The following NEGR1 variants were observed in gnomAD, a reference collection of about 807,000 sequenced individuals.
NEGR1 encodes neuronal growth regulator 1.
Under a neutral mutation model 40.9 loss-of-function variants are expected in NEGR1, and 10 were observed. The ratio of observed to expected loss-of-function variants is 0.24; its 90% CI spans 0.15 to 0.42. The LOEUF (loss-of-function observed/expected upper bound fraction) is 0.42, where lower values mean the gene tolerates loss of function less well. NEGR1 is among the 10% of genes least tolerant of loss of function. The pLI, the probability that NEGR1 is intolerant of heterozygous loss-of-function variation, is 1.00. For synonymous variants in NEGR1, 185 were observed against 166.8 expected, an observed-to-expected ratio of 1.11 and a Z score of -0.84; for missense variants, 352 against 438.9, an observed-to-expected ratio of 0.80 and a Z score of 1.77.
intron 6 of NEGR1, among the ~76,000 whole-genome samples, chr1:71,561,101 T>C (rs930804327): frequency 1.3e-5 from 2 of 151,574 alleles, no homozygotes; most frequent in Non-Finnish European, 3.0e-5. Context: ...ACCATGATCA[T>C]GAAATCAGAT....
intron 6 of NEGR1, among the ~76,000 whole-genome samples, chr1:71,551,170 A>T (rs1444227038): frequency 6.6e-6 from 1 of 151,632 alleles, no homozygotes; most frequent in Non-Finnish European, 1.5e-5. Context: ...AGTCATCTTC[A>T]TTTCATCAAA....
At chr1:71,930,004 A>C (rs576658357) in intron 2 of NEGR1, among the ~76,000 whole-genome samples, 1 of 152,248 alleles carries the variant, frequency 6.6e-6, no homozygotes, top group East Asian at 1.9e-4. Flanking sequence ...TCTGCACTTG[A>C]ATTCCTATTC....
At chr1:71,858,242 T>C (rs989731284) in intron 2 of NEGR1, among the ~76,000 whole-genome samples, 1 of 151,828 alleles carries the variant, frequency 6.6e-6, no homozygotes, top group Admixed American at 6.6e-5. Flanking sequence ...TGAAATATGC[T>C]GTTCTCATTT....
intron 6 of NEGR1, among the ~76,000 whole-genome samples, chr1:71,441,328 C>T (rs1445859989): frequency 1.3e-5 from 2 of 152,174 alleles, no homozygotes; most frequent in Non-Finnish European, 2.9e-5. Flanking sequence ...TTCTTCCATA[C>T]CCTTCGCCAT....
At chr1:72,034,886 C>T (rs971089330) in intron 1 of NEGR1, among the ~76,000 whole-genome samples, 12 of 152,098 alleles carry the variant, frequency 7.9e-5, no homozygotes, top group Admixed American at 1.3e-4. Context: ...GATAGATATG[C>T]AAACTAGGAG....
intron 4 of NEGR1, among the ~76,000 whole-genome samples, chr1:71,673,773 C>T (rs745495076): frequency 2.7e-5 from 4 of 146,154 alleles, no homozygotes; most frequent in Non-Finnish European, 6.0e-5. Context: ...GAGCAGAAGC[C>T]CATATGCATT....
intron 2 of NEGR1, among the ~76,000 whole-genome samples, chr1:71,926,801 G>A (rs1175027894): frequency 6.6e-6 from 1 of 152,030 alleles, no homozygotes; most frequent in African/African-American, 2.4e-5. Context: ...CTAAAGTATT[G>A]TTCTAATATC....
intron 3 of NEGR1, among the ~76,000 whole-genome samples, chr1:71,746,106 C>T (rs989394320): frequency 2.6e-5 from 4 of 152,154 alleles, no homozygotes; most frequent in African/African-American, 9.7e-5. Flanking sequence ...ATCTTTGGAT[C>T]TTCATTCTGA....
At chr1:71,770,395 G>T (rs565995129) in intron 3 of NEGR1, among the ~76,000 whole-genome samples, 48 of 152,194 alleles carry the variant, frequency 3.2e-4, no homozygotes, top group African/African-American at 1.1e-3. Flanking sequence ...TCTTATTGTG[G>T]TTTAGAAGAA....
intron 4 of NEGR1, among the ~76,000 whole-genome samples, chr1:71,694,246 C>CGTGT (rs143959665): frequency 1.3e-5 from 2 of 149,200 alleles, no homozygotes; most frequent in Non-Finnish European, 1.5e-5. Context: ...TTTTTTTTCT[C>CGTGT]GTGTGTGTGT....
At chr1:72,140,634 A>G (rs550284626) in intron 1 of NEGR1, among the ~76,000 whole-genome samples, 221 of 152,178 alleles carry the variant, frequency 1.5e-3, no homozygotes, top group Non-Finnish European at 2.5e-3. Flanking sequence ...CATGCAAAGT[A>G]GTATGAGCAA....
At chr1:71,544,376 A>G (rs898336850) in intron 6 of NEGR1, among the ~76,000 whole-genome samples, 5 of 151,796 alleles carry the variant, frequency 3.3e-5, no homozygotes, top group East Asian at 2.0e-4. Context: ...TCTAGTCACA[A>G]ATGCTTTGAG....
At chr1:71,617,696 T>G (rs918205106) in intron 4 of NEGR1, among the ~76,000 whole-genome samples, 7 of 152,148 alleles carry the variant, frequency 4.6e-5, no homozygotes, top group African/African-American at 1.7e-4. Flanking sequence ...TGAACTAAAA[T>G]CATTTTCCAG....
chr1:71,655,596 A>G (rs1651850092), intron 4 of NEGR1, among the ~76,000 whole-genome samples: 1 of 152,178 alleles, frequency 6.6e-6, no homozygotes. Flanking sequence ...CAAAACCAAC[A>G]TCCTAAAGGA....
At chr1:71,696,727 T>G (rs1473447022) in intron 4 of NEGR1, among the ~76,000 whole-genome samples, 2 of 151,826 alleles carry the variant, frequency 1.3e-5, no homozygotes, top group Non-Finnish European at 2.9e-5. Flanking sequence ...TGAGAATCAG[T>G]GGGAACCTCT....
intron 5 of NEGR1, among the ~76,000 whole-genome samples, chr1:71,597,432 G>C (rs71500653): frequency 0.01 from 633 of 60,716 alleles, 29 homozygotes; most frequent in African/African-American, 0.04. Context: ...ATATATATAT[G>C]TCTCTCTCTC....
intron 6 of NEGR1, among the ~76,000 whole-genome samples, chr1:71,537,355 C>T (rs1159555150): frequency 6.6e-6 from 1 of 151,628 alleles, no homozygotes; most frequent in Non-Finnish European, 1.5e-5. Flanking sequence ...TTCATTATAT[C>T]TATAATTACT....
intron 3 of NEGR1, among the ~76,000 whole-genome samples, chr1:71,730,079 C>A (rs1359485002): frequency 1.3e-5 from 2 of 151,920 alleles, no homozygotes; most frequent in Non-Finnish European, 2.9e-5. Context: ...GTGACAGATA[C>A]AAATTCTAAT....
At chr1:71,805,098 A>C (rs1657710154) in intron 2 of NEGR1, among the ~76,000 whole-genome samples, 2 of 152,158 alleles carry the variant, frequency 1.3e-5, no homozygotes, top group African/African-American at 4.8e-5. Context: ...CAGGCTTATT[A>C]GGATGAGGAA....
Sources: allele counts gnomAD v4.1 joint callset (sites outside exome capture counted in the v4.1 genomes callset), GRCh38; gene constraint gnomAD v4.1.1; transcripts MANE v1.5; gene names NCBI Gene and HGNC (gene_info 2026-07-23, HGNC 2026-07-21).